Variants in MYOZ2 observed in about 807,000 individuals in gnomAD.
The protein encoded by MYOZ2 is myozenin-2.
MYOZ2 carries 19 observed loss-of-function variants against 25.4 expected under a neutral mutation model. That is an observed-to-expected ratio of 0.75 (90% CI 0.52 to 1.10). The LOEUF is 1.10. Among genes scored for constraint, MYOZ2 ranks in the 50% least tolerant of loss-of-function variants. The pLI is 0.00. For synonymous variants in MYOZ2, 92 were observed against 106.9 expected, an observed-to-expected ratio of 0.86 and a Z score of 0.86; for missense variants, 270 against 317.9, an observed-to-expected ratio of 0.85 and a Z score of 1.15.
chr4:119,168,038 T>A (rs1218427241), intron 5 of MYOZ2, among the ~76,000 whole-genome samples: 2 of 152,082 alleles, frequency 1.3e-5, no homozygotes, highest in Non-Finnish European at 2.9e-5. Context: ...AGTGGTGTGA[T>A]CTCGGCTCAC....
chr4:119,148,894 C>T (rs1400459868), intron 2 of MYOZ2, among the ~76,000 whole-genome samples: 1 of 151,350 alleles, frequency 6.6e-6, no homozygotes, highest in Non-Finnish European at 1.5e-5. Flanking sequence ...ATATCTCAGT[C>T]ATCCCAGTGT....
intron 2 of MYOZ2, among the ~76,000 whole-genome samples, chr4:119,145,506 CTGTGTGTGTGTGTGTG>C (rs200111377): frequency 1.1e-4 from 14 of 128,198 alleles, no homozygotes; most frequent in African/African-American, 3.5e-4. Flanking sequence ...CCAGCTAAAA[CTGTGTGTGTGTGTGTG>C]TGTGTGTGTG....
intron 5 of MYOZ2, among the ~76,000 whole-genome samples, chr4:119,175,646 G>A (rs928580392): frequency 2.6e-5 from 4 of 151,988 alleles, no homozygotes; most frequent in African/African-American, 9.7e-5. Context: ...TAGCTACTTG[G>A]GAGGCTGAGG....
At chr4:119,176,726 T>G (rs1742080287) in intron 5 of MYOZ2, among the ~76,000 whole-genome samples, 1 of 152,206 alleles carries the variant, frequency 6.6e-6, no homozygotes, top group African/African-American at 2.4e-5. Flanking sequence ...TTTAAGAACT[T>G]ACATTATCAT....
Position 119,158,106 on chromosome 4 carries a change from A to G in MYOZ2, c.331A>G (p.Thr111Ala). The change falls in exon 4 of 6, where the codon ACC becomes GCC. Residue 111 changes from threonine to alanine, a missense_variant. Transcript: ENST00000307128. The part of the protein sequence containing the change: ...SQQAPLTPPN[T>A]PDPRSPPNPD... ...GCAAGCCCCCTTGACTCCTCCCAACACCCCAGATCCACGAAGCCCTCCAAA... is the reference window on the plus strand; with the variant it reads ...GCAAGCCCCCTTGACTCCTCCCAACGCCCCAGATCCACGAAGCCCTCCAAA... The G allele has an allele frequency of 1.9e-6, 3 of 1,613,820 alleles. No individual in the cohort carries two copies. The highest frequency in any genetic ancestry group is 2.5e-6 in the Non-Finnish European group (3 of 1,179,950).
chr4:119,160,268 T>C (rs1741675976), intron 4 of MYOZ2, among the ~76,000 whole-genome samples: 1 of 152,026 alleles, frequency 6.6e-6, no homozygotes, highest in South Asian at 2.1e-4. Flanking sequence ...AATACACAGA[T>C]ACTATCTGAG....
At chr4:119,155,991 A>G (rs1423645531) in intron 3 of MYOZ2, among the ~76,000 whole-genome samples, 1 of 152,190 alleles carries the variant, frequency 6.6e-6, no homozygotes, top group African/African-American at 2.4e-5. Context: ...ATAAGACACC[A>G]TCTTAGGCTT....
At chr4:119,163,245 AT>A (rs1741748394) in intron 4 of MYOZ2, among the ~76,000 whole-genome samples, 1 of 152,160 alleles carries the variant, frequency 6.6e-6, no homozygotes, top group Non-Finnish European at 1.5e-5. Flanking sequence ...GGAGACAAAC[AT>A]TTTAGTGTAA....
At chr4:119,148,831 T>C (rs1561107963) in intron 2 of MYOZ2, among the ~76,000 whole-genome samples, 1 of 151,752 alleles carries the variant, frequency 6.6e-6, no homozygotes, top group Non-Finnish European at 1.5e-5. Flanking sequence ...AACTGCTTTC[T>C]GAAGCATTGT....
chr4:119,174,252 AGTCTG>A (rs1387940686), intron 5 of MYOZ2, among the ~76,000 whole-genome samples: 1 of 152,192 alleles, frequency 6.6e-6, no homozygotes, highest in African/African-American at 2.4e-5. Flanking sequence ...TGGGCTCCTG[AGTCTG>A]GTGGGGCCTT....
At chr4:119,173,842 T>A (rs1484874123) in intron 5 of MYOZ2, among the ~76,000 whole-genome samples, 1 of 152,160 alleles carries the variant, frequency 6.6e-6, no homozygotes, top group Non-Finnish European at 1.5e-5. Flanking sequence ...CAGCTGGAGT[T>A]CTGGGTGGGC....
At chr4:119,144,411 C>G (rs1311758658) in intron 2 of MYOZ2, among the ~76,000 whole-genome samples, 1 of 152,166 alleles carries the variant, frequency 6.6e-6, no homozygotes, top group East Asian at 1.9e-4. Context: ...AAGGAAGATG[C>G]TATGAACATT....
At chr4:119,171,775 A>G (rs1029238289) in intron 5 of MYOZ2, among the ~76,000 whole-genome samples, 1 of 149,390 alleles carries the variant, frequency 6.7e-6, no homozygotes, top group Non-Finnish European at 1.5e-5. Flanking sequence ...CGAAGACTTT[A>G]TTCTGATATA....
At chr4:119,167,259 A>C (rs997128712) in intron 5 of MYOZ2, among the ~76,000 whole-genome samples, 6 of 152,218 alleles carry the variant, frequency 3.9e-5, no homozygotes. Flanking sequence ...ATATCAAGAA[A>C]GTTTGAGTAG....
intron 3 of MYOZ2, among the ~76,000 whole-genome samples, chr4:119,152,334 T>C (rs980871657): frequency 1.3e-5 from 2 of 152,142 alleles, no homozygotes; most frequent in Non-Finnish European, 2.9e-5. Flanking sequence ...GTAATCATAT[T>C]CTTTCAATAA....
intron 2 of MYOZ2, among the ~76,000 whole-genome samples, chr4:119,148,780 A>AAAAC (rs1741376035): frequency 7.0e-6 from 1 of 142,770 alleles, no homozygotes; most frequent in African/African-American, 2.5e-5. Flanking sequence ...AAAAAAAAAA[A>AAAAC]AAACCTTTCC....
chr4:119,149,411 G>A (rs566650756), intron 2 of MYOZ2, among the ~76,000 whole-genome samples: 1 of 152,326 alleles, frequency 6.6e-6, no homozygotes, highest in South Asian at 2.1e-4. Context: ...TGTTTTCTGT[G>A]GTGGTTGGCT....
chr4:119,139,454 T>G lies in MYOZ2; in HGVS notation c.76+2853T>G, dbSNP rs895937735. 3.3e-5 allele frequency among the ~76,000 whole-genome samples: 5 copies of G among 152,204 alleles called. No homozygotes were observed. In the East Asian group the frequency reaches 9.6e-4, roughly 29 times the overall value. On this transcript the variant is annotated intron_variant, in intron 2 of 5. Coordinates refer to ENST00000307128, the MANE Select transcript of MYOZ2 (RefSeq NM_016599.5). ...GATGGCCTCTGATAGTCCCCACCCA[T>G]GAGCCTTGTGCAATTTACCCCTAAA... is the stretch of plus-strand genomic sequence containing the variant.
chr4:119,166,839 G>A (rs1741835843), intron 5 of MYOZ2, among the ~76,000 whole-genome samples: 1 of 152,146 alleles, frequency 6.6e-6, no homozygotes, highest in Admixed American at 6.5e-5. Context: ...TATTGTAACT[G>A]TTTTTGGGAT....
Sources: gnomAD v4.1 joint callset for allele counts (sites outside exome capture counted in the v4.1 genomes callset) on GRCh38, gnomAD v4.1.1 for gene constraint, MANE v1.5 for transcripts, NCBI Gene and HGNC (gene_info 2026-07-23, HGNC 2026-07-21) for gene names.